ARID5B: variants seen among roughly 807,000 people sequenced by gnomAD.
ARID5B encodes the protein AT-rich interactive domain-containing protein 5B.
Under a neutral mutation model 97.2 loss-of-function variants are expected in ARID5B, and 13 were observed. That is an observed-to-expected ratio of 0.13 (90% CI 0.09 to 0.21). The LOEUF (loss-of-function observed/expected upper bound fraction) is 0.21. ARID5B is among the 10% of genes least tolerant of loss of function. The pLI, the probability that ARID5B is intolerant of heterozygous loss-of-function variation, is 1.00. For synonymous variants in ARID5B, 556 were observed against 570.3 expected (o/e 0.97, Z 0.36); for missense variants, 1,210 against 1,465.3 (o/e 0.83, Z 2.84).
intron 2 of ARID5B, among the ~76,000 whole-genome samples, chr10:61,918,397 A>T (rs1161821185): frequency 6.6e-6 from 1 of 152,168 alleles, no homozygotes; most frequent in African/African-American, 2.4e-5. Flanking sequence ...GGCATAGAGC[A>T]CAAAACCATG....
intron 3 of ARID5B, among the ~76,000 whole-genome samples, chr10:61,948,035 G>A (rs1838264470): frequency 6.6e-6 from 1 of 152,208 alleles, no homozygotes; most frequent in Admixed American, 6.5e-5. Context: ...AAAGAAGTTT[G>A]TAGAATTTTG....
chr10:62,049,116 C>G (rs1269862474), intron 4 of ARID5B: 1 of 1,114,088 alleles, frequency 9.0e-7, no homozygotes, highest in Non-Finnish European at 1.1e-6. Flanking sequence ...ATTCATGGAA[C>G]GTGGCATCGT....
intron 4 of ARID5B, among the ~76,000 whole-genome samples, chr10:62,015,646 CAG>C (rs1839274135): frequency 2.6e-5 from 4 of 152,020 alleles, no homozygotes; most frequent in African/African-American, 9.7e-5. Context: ...TTTTTTGAGA[CAG>C]AGTCTTGCTC....
At chr10:62,051,802 G>A (rs1420366952) in intron 5 of ARID5B, among the ~76,000 whole-genome samples, 1 of 151,934 alleles carries the variant, frequency 6.6e-6, no homozygotes, top group Non-Finnish European at 1.5e-5. Flanking sequence ...GACAGCAATC[G>A]TCCCTTTAGG....
chr10:61,906,878 G>A (rs7905987), intron 2 of ARID5B, among the ~76,000 whole-genome samples: 72,585 of 152,036 alleles, frequency 0.48, 17,513 homozygotes, highest in African/African-American at 0.51. Flanking sequence ...GTGGAAATAC[G>A]GTCCTTATTT....
chr10:61,903,201 G>C (rs1279451094), intron 2 of ARID5B, among the ~76,000 whole-genome samples: 1 of 152,020 alleles, frequency 6.6e-6, no homozygotes, highest in Non-Finnish European at 1.5e-5. Context: ...GGGCAGAGGG[G>C]TGTGTGCTCG....
chr10:62,090,759 G>T, intron 9 of ARID5B, 103 bp from the exon 10 acceptor site: 1 of 1,403,434 alleles, frequency 7.1e-7, no homozygotes, highest in Non-Finnish European at 9.5e-7. Flanking sequence ...TGATTGACAA[G>T]CCTGTTTTCA....
chr10:62,093,201 C>A lies in ARID5B; in HGVS notation c.*171C>A. On this transcript the variant is annotated 3_prime_UTR_variant, in exon 10 of 10. Transcript: ENST00000279873. ...GTGAACATGCCTGATTTTTGTGGGACAACTCTAGCCCACAAACTGACTGGC... is the reference window on the plus strand; with the variant it reads ...GTGAACATGCCTGATTTTTGTGGGAAAACTCTAGCCCACAAACTGACTGGC... The A allele has an allele frequency of 2.1e-6, 2 of 974,228 alleles. No homozygotes were observed. The highest frequency in any genetic ancestry group is 2.9e-6 in the Non-Finnish European group (2 of 684,910). 60.3% of individuals were successfully genotyped at this position (974,228 alleles called of 1,614,324 possible).
At chr10:61,976,757 A>G (rs931535945) in intron 3 of ARID5B, among the ~76,000 whole-genome samples, 3 of 152,212 alleles carry the variant, frequency 2.0e-5, no homozygotes, top group Non-Finnish European at 4.4e-5. Flanking sequence ...CTACAGAATA[A>G]GTGACTCTCT....
intron 8 of ARID5B, among the ~76,000 whole-genome samples, chr10:62,084,332 T>A (rs1484635100): frequency 6.6e-6 from 1 of 152,206 alleles, no homozygotes; most frequent in East Asian, 1.9e-4. Flanking sequence ...ACCTGAACAA[T>A]CGTGTATGGT....
At position 62,091,454 on chromosome 10, in the gene ARID5B, G is replaced by A. The variant is rs767381955; in HGVS notation, c.1991G>A (p.Gly664Glu). Residue 664 changes from glycine (G) to glutamate (E), a missense_variant, in exon 10 of 10, where the codon GGG (glycine) becomes GAG (glutamate). Around this residue, in one of 8 missense-constraint regions of ARID5B, gnomAD observed 800 missense variants for 839.1 expected, o/e 0.95. Transcript: ENST00000279873. The stretch of plus-strand genomic sequence containing the variant: ...ATGTTCAAAGACAAAGACCTGACTG[G>A]GCCCATGAACGAGAACCATGGACTT... ...FDMFKDKDLT[G>E]PMNENHGLNY... 26 of 1,611,630 alleles carry A rather than the reference G, an allele frequency of 1.6e-5. No individual in the cohort carries two copies. The East Asian group carries it at 5.3e-4, about 33-fold the overall frequency.
chr10:62,049,314 C>CA, intron 4 of ARID5B: 2 of 1,489,940 alleles, frequency 1.3e-6, no homozygotes. Flanking sequence ...ATGGAGCTGC[C>CA]GGGGGAGGGG....
chr10:61,935,185 C>T (rs1204055496), intron 2 of ARID5B, among the ~76,000 whole-genome samples: 2 of 152,036 alleles, frequency 1.3e-5, no homozygotes, highest in African/African-American at 4.8e-5. Flanking sequence ...CACAGACTTT[C>T]AATTTGTAAA....
intron 3 of ARID5B, among the ~76,000 whole-genome samples, chr10:61,954,148 G>T (rs1319826363): frequency 1.3e-5 from 2 of 151,902 alleles, no homozygotes; most frequent in Non-Finnish European, 2.9e-5. Flanking sequence ...ACCTGAGGTT[G>T]GGAGTTCTAG....
chr10:61,948,009 A>G (rs1248725834), intron 3 of ARID5B, among the ~76,000 whole-genome samples: 1 of 152,234 alleles, frequency 6.6e-6, no homozygotes, highest in East Asian at 1.9e-4. Context: ...CGGACTGAAG[A>G]TGGACCATCA....
At chr10:61,932,669 C>T (rs796257179) in intron 2 of ARID5B, among the ~76,000 whole-genome samples, 2 of 152,104 alleles carry the variant, frequency 1.3e-5, no homozygotes, top group South Asian at 2.1e-4. Flanking sequence ...GTTGACACTT[C>T]ATTTCACGAA....
chr10:61,963,681 A>C (rs7923074), intron 3 of ARID5B, among the ~76,000 whole-genome samples: 84,257 of 151,500 alleles, frequency 0.56, 23,567 homozygotes, highest in Non-Finnish European at 0.59. Flanking sequence ...ATGATACATG[A>C]GGGTGTTAGT....
intron 4 of ARID5B, among the ~76,000 whole-genome samples, chr10:62,031,101 G>C (rs933924061): frequency 6.6e-6 from 1 of 152,216 alleles, no homozygotes; most frequent in African/African-American, 2.4e-5. Context: ...TGTCACGGTG[G>C]TGGATGCCTG....
intron 3 of ARID5B, among the ~76,000 whole-genome samples, chr10:61,996,664 T>TAA (rs1222280766): frequency 6.6e-6 from 1 of 152,156 alleles, no homozygotes; most frequent in Non-Finnish European, 1.5e-5. Flanking sequence ...TTTTAGTGTT[T>TAA]TATTATCAGT....
Sources: allele counts gnomAD v4.1 joint callset (sites outside exome capture counted in the v4.1 genomes callset), GRCh38; gene constraint gnomAD v4.1.1; regional missense constraint gnomAD v4.1.1; transcripts MANE v1.5; gene names NCBI Gene and HGNC (gene_info 2026-07-23, HGNC 2026-07-21).